TDRD7: variants seen among roughly 807,000 people sequenced by gnomAD.
TDRD7 encodes the protein tudor domain-containing protein 7.
In TDRD7, 47 loss-of-function variants were observed where a neutral mutation model predicts 109.8. The observed-to-expected ratio is 0.43, with a 90% confidence interval of 0.34 to 0.55. TDRD7 has a LOEUF of 0.55. Ranked by LOEUF, TDRD7 falls within the 20% of genes least tolerant of loss-of-function variation. The pLI is 0.03. For synonymous variants in TDRD7, 424 were observed against 457.3 expected (o/e 0.93, Z 0.93); for missense variants, 1,164 against 1,319.2 (o/e 0.88, Z 1.82).
chr9:97,471,889 A>G (rs577266181), intron 9 of TDRD7, among the ~76,000 whole-genome samples: 1 of 152,346 alleles, frequency 6.6e-6, no homozygotes, highest in South Asian at 2.1e-4. Context: ...TGTTCATTTT[A>G]TAAGAAAAAT....
chr9:97,487,474 C>A, intron 16 of TDRD7, 142 bp downstream of exon 16: 1 of 993,864 alleles, frequency 1.0e-6, no homozygotes, highest in Non-Finnish European at 1.6e-6. Context: ...AATATTGCAA[C>A]CATAATGGAA....
At chr9:97,472,599 AT>A in intron 10 of TDRD7, 104 bp downstream of exon 10, 1 of 991,832 alleles carries the variant, frequency 1.0e-6, no homozygotes, top group Non-Finnish European at 1.6e-6. Context: ...GACAGATTAC[AT>A]TTACATTGAG....
chr9:97,493,458 A>T (rs1285147974), intron 16 of TDRD7, among the ~76,000 whole-genome samples: 1 of 152,142 alleles, frequency 6.6e-6, no homozygotes, highest in Non-Finnish European at 1.5e-5. Flanking sequence ...CAGAGATCAC[A>T]TGCTTCACAA....
At chr9:97,493,478 A>T (rs763283059) in intron 16 of TDRD7, among the ~76,000 whole-genome samples, 2 of 152,120 alleles carry the variant, frequency 1.3e-5, no homozygotes, top group South Asian at 2.1e-4. Context: ...AGGTAATAAG[A>T]TATCACAAGG....
chr9:97,496,116 C>T lies in TDRD7; in HGVS notation c.*233C>T, dbSNP rs899009333. 2.2e-6 allele frequency: 1 copy of T among 459,310 alleles called. No homozygotes were observed. Among genetic ancestry groups the T allele is most frequent in the East Asian group, 4.4e-5 (1 of 22,912 alleles). 28.5% of individuals were successfully genotyped at this position (459,310 alleles called of 1,614,324 possible). ...ATAATATTAGAATAAAAATGTTTAT[C>T]AATATAAAAGCTGACTACCTTTTAA... is the stretch of plus-strand genomic sequence containing the variant. On this transcript the variant is annotated 3_prime_UTR_variant, in exon 17 of 17. Transcript: ENST00000355295.
rs375244191 is a variant in TDRD7, at chr9:97,431,116, G to A, written c.349+42G>A. ...TGCTAAAATTTTTAGGGCTGTCTAC[G>A]AATACATTATCATAGGGAATTATGG... On this transcript the variant is annotated intron_variant, in intron 3 of 16. Coordinates refer to ENST00000355295, the MANE Select transcript of TDRD7 (RefSeq NM_014290.3). 5.5e-5 allele frequency: 89 copies of A among 1,610,700 alleles called. 1 individual carries two copies. In the East Asian group the frequency reaches 6.5e-4, roughly 12 times the overall value.
chr9:97,483,460 T>C, intron 15 of TDRD7, 109 bp downstream of exon 15: 1 of 1,307,746 alleles, frequency 7.6e-7, no homozygotes, highest in Non-Finnish European at 1.1e-6. Context: ...ATGGGAATTT[T>C]GAATGTGAAA....
At chr9:97,428,343 T>G (rs1320102727) in intron 1 of TDRD7, 117 bp from the exon 2 acceptor site, 1 of 1,022,422 alleles carries the variant, frequency 9.8e-7, no homozygotes, top group East Asian at 2.6e-5. Flanking sequence ...CATATTGTAA[T>G]TGCACAGAAA....
chr9:97,471,801 A>C (rs781434271), intron 9 of TDRD7, among the ~76,000 whole-genome samples: 4 of 152,210 alleles, frequency 2.6e-5, no homozygotes, highest in Non-Finnish European at 5.9e-5. Flanking sequence ...TGTCTTTGAT[A>C]AATCAGAAGG....
chr9:97,463,738 G>T (rs1828770884), intron 7 of TDRD7, among the ~76,000 whole-genome samples: 1 of 152,132 alleles, frequency 6.6e-6, no homozygotes, highest in African/African-American at 2.4e-5. Flanking sequence ...TAAAGCGCAA[G>T]AAAACAGTAG....
chr9:97,482,826 A>G (rs1202312831), intron 14 of TDRD7, 23 bp from the exon 15 acceptor site: 2 of 1,612,432 alleles, frequency 1.2e-6, no homozygotes, highest in Non-Finnish European at 1.7e-6. Context: ...TATTTCTTAT[A>G]TCATTTTTTG....
intron 15 of TDRD7, among the ~76,000 whole-genome samples, chr9:97,485,067 T>C (rs1829190511): frequency 6.6e-6 from 1 of 152,242 alleles, no homozygotes; most frequent in African/African-American, 2.4e-5. Context: ...CTTCATGAAC[T>C]GAATCAGTAT....
chr9:97,432,365 A>G lies in TDRD7; in HGVS notation c.563+127A>G. On this transcript the variant is annotated intron_variant, in intron 4 of 16. Transcript: ENST00000355295. ...TTCACATATAGTAGAGACATGCATC[A>G]TTACCAGTTAAGTTCACTTCTAGCT... is the stretch of plus-strand genomic sequence containing the variant. 3 of 819,044 alleles carry G rather than the reference A, an allele frequency of 3.7e-6. No homozygotes were observed. The South Asian group carries it at 4.3e-5, about 12-fold the overall frequency. The allele number at this position is 819,044 out of a possible 1,614,324, so 50.7% of individuals were successfully genotyped here. A position where few individuals can be genotyped will look rare whatever the true frequency, so the allele number is the denominator to read the frequency against.
chr9:97,441,555 A>G, intron 5 of TDRD7, 103 bp from the exon 6 acceptor site: 1 of 1,056,438 alleles, frequency 9.5e-7, no homozygotes, highest in Non-Finnish European at 1.4e-6. Context: ...TGGCTACCAC[A>G]AGCCCACACT....
intron 1 of TDRD7, among the ~76,000 whole-genome samples, chr9:97,426,853 G>A (rs1051679185): frequency 2.0e-5 from 3 of 152,158 alleles, no homozygotes; most frequent in African/African-American, 4.8e-5. Context: ...TAAGATGGAC[G>A]AATGATGGAA....
Position 97,412,990 on chromosome 9 carries a change from A to G in TDRD7, c.-7+752A>G, listed in dbSNP as rs868349339. Among the ~76,000 whole-genome samples the G allele has an allele frequency of 6.6e-6, 1 of 152,188 alleles. No homozygotes were observed. The highest frequency in any genetic ancestry group is 2.4e-5 in the African/African-American group (1 of 41,450). On this transcript the variant is annotated intron_variant, in intron 1 of 16. Coordinates refer to ENST00000355295, the MANE Select transcript of TDRD7 (RefSeq NM_014290.3). The surrounding 1 kb of genome is among the most constrained non-coding windows in gnomAD (Gnocchi z 4.3). ...ATTTCCATTAATAGCTAAAGGTACCATTCTCAAATAATTTCTAAGAGCAGG... is the reference window on the plus strand; with the variant it reads ...ATTTCCATTAATAGCTAAAGGTACCGTTCTCAAATAATTTCTAAGAGCAGG...
chr9:97,465,131 A>T, intron 8 of TDRD7, 103 bp downstream of exon 8: 2 of 1,379,190 alleles, frequency 1.5e-6, no homozygotes, highest in Non-Finnish European at 2.0e-6. Context: ...GTTGTATCCT[A>T]TAATTAAATG....
intron 16 of TDRD7, among the ~76,000 whole-genome samples, chr9:97,488,339 GAAAT>G (rs1332006687): frequency 1.3e-5 from 2 of 152,212 alleles, no homozygotes; most frequent in Admixed American, 1.3e-4. Flanking sequence ...AGCAATGAAA[GAAAT>G]TGTGTATATA....
chr9:97,476,947 T>C (rs1324764886), intron 12 of TDRD7, among the ~76,000 whole-genome samples: 4 of 152,202 alleles, frequency 2.6e-5, no homozygotes, highest in African/African-American at 9.6e-5. Context: ...TTGCTATTAA[T>C]GTGACTGTAT....
Sources: allele counts gnomAD v4.1 joint callset (sites outside exome capture counted in the v4.1 genomes callset), GRCh38; gene constraint gnomAD v4.1.1; non-coding constraint Gnocchi (gnomAD v3.1); transcripts MANE v1.5; gene names NCBI Gene and HGNC (gene_info 2026-07-23, HGNC 2026-07-21).